The following CYB5R4 variants were observed in gnomAD, a reference collection of about 807,000 sequenced individuals.
CYB5R4 encodes cytochrome b5 reductase 4, also known as N-terminal cytochrome b5 and cytochrome b5 oxidoreductase domain-containing protein.
In CYB5R4, 55 loss-of-function variants were observed where a neutral mutation model predicts 70.2. The observed-to-expected ratio is 0.78, with a 90% CI of 0.63 to 0.98. The LOEUF is 0.98. CYB5R4 is among the 50% of genes least tolerant of loss of function. CYB5R4 has a pLI of 0.00. For synonymous variants in CYB5R4, 197 were observed against 199.5 expected (o/e 0.99, Z 0.11); for missense variants, 562 against 612.6 (o/e 0.92, Z 0.87).
intron 2 of CYB5R4, among the ~76,000 whole-genome samples, chr6:83,866,541 C>T (rs1170060107): frequency 5.3e-5 from 8 of 151,814 alleles, no homozygotes; most frequent in Admixed American, 2.6e-4. Flanking sequence ...ACACTGCTCC[C>T]GGTTCCATAT....
At chr6:83,924,624 A>G in intron 10 of CYB5R4, 32 bp downstream of exon 10, 1 of 1,602,982 alleles carries the variant, frequency 6.2e-7, no homozygotes, top group Non-Finnish European at 8.5e-7. Context: ...CGTTAATTTC[A>G]CATTCATGAA....
chr6:83,859,751 C>T lies in CYB5R4; in HGVS notation c.-32C>T, dbSNP rs758500365. ...AGGTGCTGTCCCGTCTGGCGGCGAT[C>T]CCCGGGCAGGGCCCGGGGCCGGGGT... On this transcript the variant is annotated 5_prime_UTR_variant, in exon 1 of 16. Coordinates refer to ENST00000369681, the MANE Select transcript of CYB5R4 (RefSeq NM_016230.4). 1.8e-5 allele frequency: 29 copies of T among 1,609,964 alleles called. No homozygotes were observed. In the South Asian group the frequency reaches 2.9e-4, roughly 16 times the overall value.
intron 15 of CYB5R4, among the ~76,000 whole-genome samples, chr6:83,955,976 G>C (rs2099472365): frequency 6.6e-6 from 1 of 152,126 alleles, no homozygotes; most frequent in South Asian, 2.1e-4. Context: ...CAGTGGTAGT[G>C]GCGATCCTGT....
At chr6:83,941,431 CT>C (rs2129143341) in intron 14 of CYB5R4, among the ~76,000 whole-genome samples, 1 of 152,164 alleles carries the variant, frequency 6.6e-6, no homozygotes, top group South Asian at 2.1e-4. Flanking sequence ...AATTTTAGGG[CT>C]TTATAAATTA....
At chr6:83,936,180 G>C in intron 11 of CYB5R4, 44 bp from the exon 12 acceptor site, 1 of 1,413,606 alleles carries the variant, frequency 7.1e-7, no homozygotes, top group Non-Finnish European at 9.5e-7. Flanking sequence ...TGAGATTTTT[G>C]GATTTTTAGA....
intron 3 of CYB5R4, among the ~76,000 whole-genome samples, chr6:83,906,268 T>G (rs1203210432): frequency 4.6e-5 from 7 of 152,208 alleles, no homozygotes; most frequent in Non-Finnish European, 1.0e-4. Context: ...TGGCAGTTCC[T>G]TGAACCTAAA....
At chr6:83,880,499 T>A (rs995849988) in intron 2 of CYB5R4, among the ~76,000 whole-genome samples, 5 of 152,154 alleles carry the variant, frequency 3.3e-5, no homozygotes, top group Middle Eastern at 3.4e-3. Context: ...TTTTTTTTTT[T>A]AAAGAGAATA....
intron 4 of CYB5R4, 108 bp from the exon 5 acceptor site, chr6:83,914,308 G>A (rs2099465149): frequency 1.7e-6 from 2 of 1,205,260 alleles, no homozygotes; most frequent in African/African-American, 3.2e-5. Context: ...TTAGAAGAAA[G>A]CCCTTCAAAA....
rs1434209642 is a variant in CYB5R4, at chr6:83,864,166, C to A, written c.76-9C>A. 1 of 1,532,760 alleles carries A rather than the reference C, an allele frequency of 6.5e-7. No individual in the cohort carries two copies. The allele number at this position is 1,532,760 out of a possible 1,614,324, so 94.9% of individuals were successfully genotyped here. A position where few individuals can be genotyped will look rare whatever the true frequency, so the allele number is the denominator to read the frequency against. The stretch of plus-strand genomic sequence containing the variant: ...AGCTAGATTTAATTCTTCCTTTTTC[C>A]ATTTTTAGGTACCTTTAAAACAGGG... On this transcript the variant is annotated splice_polypyrimidine_tract_variant and intron_variant, in intron 1 of 15. Transcript: ENST00000369681.
At chr6:83,914,976 A>G (rs1461749217) in intron 5 of CYB5R4, among the ~76,000 whole-genome samples, 1 of 151,772 alleles carries the variant, frequency 6.6e-6, no homozygotes, top group Non-Finnish European at 1.5e-5. Context: ...AATACATGTT[A>G]TCTTCCCTCA....
At chr6:83,877,879 T>G (rs2099458824) in intron 2 of CYB5R4, among the ~76,000 whole-genome samples, 1 of 152,238 alleles carries the variant, frequency 6.6e-6, no homozygotes, top group Non-Finnish European at 1.5e-5. Flanking sequence ...TTCTCCAAAT[T>G]AATTTTGGGA....
At chr6:83,944,959 T>C (rs1291500454) in intron 14 of CYB5R4, among the ~76,000 whole-genome samples, 2 of 151,768 alleles carry the variant, frequency 1.3e-5, no homozygotes, top group African/African-American at 2.4e-5. Context: ...AAGAGACACT[T>C]TCACACAATA....
At chr6:83,900,386 A>G (rs1180030354) in intron 3 of CYB5R4, among the ~76,000 whole-genome samples, 2 of 152,182 alleles carry the variant, frequency 1.3e-5, no homozygotes, top group African/African-American at 4.8e-5. Context: ...TTTACTTCCA[A>G]CTAAGTGGTA....
At chr6:83,937,784 G>T (rs1281501227) in intron 12 of CYB5R4, among the ~76,000 whole-genome samples, 2 of 152,206 alleles carry the variant, frequency 1.3e-5, no homozygotes, top group African/African-American at 2.4e-5. Context: ...CTCCCAAAGT[G>T]CTGGGATCAC....
intron 14 of CYB5R4, among the ~76,000 whole-genome samples, chr6:83,942,496 C>T (rs1468815311): frequency 2.0e-5 from 3 of 152,214 alleles, no homozygotes; most frequent in Admixed American, 1.3e-4. Flanking sequence ...TGGGTGCCTA[C>T]ACCACCAGGG....
At chr6:83,916,229 C>G (rs1203771103) in intron 5 of CYB5R4, among the ~76,000 whole-genome samples, 1 of 152,024 alleles carries the variant, frequency 6.6e-6, no homozygotes, top group Non-Finnish European at 1.5e-5. Context: ...GAAGAGGAAA[C>G]AGTGGCTTGC....
At chr6:83,876,190 G>A (rs530413094) in intron 2 of CYB5R4, among the ~76,000 whole-genome samples, 100 of 152,252 alleles carry the variant, frequency 6.6e-4, no homozygotes, top group African/African-American at 2.0e-3. Context: ...TCAAATGTGA[G>A]CAACAGCCTG....
chr6:83,919,278 G>A, intron 6 of CYB5R4, 119 bp from the exon 7 acceptor site: 3 of 549,400 alleles, frequency 5.5e-6, no homozygotes, highest in Non-Finnish European at 6.3e-6. Context: ...TAGAAAAAAA[G>A]CTTAACCTAG....
intron 10 of CYB5R4, among the ~76,000 whole-genome samples, chr6:83,931,050 T>C (rs541495910): frequency 6.6e-6 from 1 of 152,368 alleles, no homozygotes; most frequent in South Asian, 2.1e-4. Context: ...ACTTTCTGCA[T>C]ATCAGCAATA....
Sources: gnomAD v4.1 joint callset for allele counts (sites outside exome capture counted in the v4.1 genomes callset) on GRCh38, gnomAD v4.1.1 for gene constraint, MANE v1.5 for transcripts, NCBI Gene and HGNC (gene_info 2026-07-23, HGNC 2026-07-21) for gene names.